The following COL18A1 variants were observed in gnomAD, a reference collection of about 807,000 sequenced individuals.
COL18A1 encodes the protein collagen alpha-1(XVIII) chain.
COL18A1 carries 133 observed loss-of-function variants against 168.0 expected under a neutral mutation model. That is an observed-to-expected ratio of 0.79 (90% CI 0.69 to 0.91). COL18A1 has a LOEUF of 0.91. COL18A1 is among the 40% of genes least tolerant of loss of function. The probability of loss-of-function intolerance (pLI) is 0.00; values close to 1 mark genes in which losing one functional copy is unlikely to be tolerated. For missense variants in COL18A1, 2,126 were observed against 1,925.4 expected, an observed-to-expected ratio of 1.10 and a Z score of -1.95; for synonymous variants, 949 against 809.0, an observed-to-expected ratio of 1.17 and a Z score of -2.94.
intron 31 of COL18A1, 80 bp downstream of exon 31, chr21:45,497,172 A>C: frequency 1.1e-6 from 1 of 943,674 alleles, no homozygotes; most frequent in South Asian, 1.3e-5. Context: ...CCGTGCCAGC[A>C]GCAGTGAGAC....
rs979659276 is a variant in COL18A1, at chr21:45,443,627, G to A, written c.107-24615G>A. ...GCGGCCCTTTTTCTCCCACGTGGGC[G>A]AAAAGTGAAGCCTCTGGGTGGTCCT... is the stretch of plus-strand genomic sequence containing the variant. On this transcript the variant is annotated intron_variant, in intron 2 of 41. Coordinates refer to ENST00000651438, the MANE Select transcript of COL18A1 (RefSeq NM_001379500.1). This position sits in a 1 kb window ranked among gnomAD's most constrained non-coding sequence, Gnocchi z 5.2. Among the ~76,000 whole-genome samples, 12 of 152,150 alleles carry A rather than the reference G, an allele frequency of 7.9e-5. No homozygotes were observed. The highest frequency in any genetic ancestry group is 1.2e-4 in the African/African-American group (5 of 41,436).
intron 39 of COL18A1, 84 bp downstream of exon 39, chr21:45,509,685 G>A: frequency 1.2e-6 from 1 of 825,958 alleles, no homozygotes; most frequent in Non-Finnish European, 2.0e-6. Context: ...CTGCAGAGCT[G>A]CTGGGGGTCC....
chr21:45,472,119 C>T (rs2035454140), intron 3 of COL18A1, among the ~76,000 whole-genome samples: 1 of 152,176 alleles, frequency 6.6e-6, no homozygotes, highest in Non-Finnish European at 1.5e-5. Flanking sequence ...CAGTGCATGT[C>T]TGTGTGGGGA....
At chr21:45,439,840 G>C (rs955148399) in intron 2 of COL18A1, among the ~76,000 whole-genome samples, 3 of 152,270 alleles carry the variant, frequency 2.0e-5, no homozygotes, top group Non-Finnish European at 2.9e-5. Context: ...TGCTCAGTGC[G>C]AGCCTGTGAA....
Position 45,494,641 on chromosome 21 carries a change from G to T in COL18A1, c.2379+70G>T. ...GGCCCCCAAGGACACGGTCGCCCGC[G>T]GCTGCTGAGCTTGTGCTGTGCGGCC... is the stretch of plus-strand genomic sequence containing the variant. On this transcript the variant is annotated intron_variant, in intron 27 of 41. Transcript: ENST00000651438. 4 of 1,604,218 alleles carry T rather than the reference G, an allele frequency of 2.5e-6. No homozygotes were observed. In the South Asian group the frequency reaches 4.4e-5, roughly 18 times the overall value.
Position 45,488,630 on chromosome 21 carries a change from A to T in COL18A1, c.1923+186A>T, listed in dbSNP as rs183940248. On this transcript the variant is annotated intron_variant, in intron 18 of 41. Coordinates refer to ENST00000651438, the MANE Select transcript of COL18A1 (RefSeq NM_001379500.1). Reference sequence around the variant, plus strand: ...GGGAAATAATCGCACACCAACCCCAACCTAGACTTCCAGCGTTAAGGGGCC... The same window carrying T: ...GGGAAATAATCGCACACCAACCCCATCCTAGACTTCCAGCGTTAAGGGGCC... Among the ~76,000 whole-genome samples, 3 of 152,180 alleles carry T rather than the reference A, an allele frequency of 2.0e-5. No individual in the cohort carries two copies. The East Asian group carries it at 5.8e-4, about 29-fold the overall frequency.
At position 45,425,747 on chromosome 21, in the gene COL18A1, T is replaced by TC. The variant is rs2033779006; in HGVS notation, c.106+20278dup. Among the ~76,000 whole-genome samples, 1 of 152,088 alleles carries TC rather than the reference T, an allele frequency of 6.6e-6. No homozygotes were observed. Among genetic ancestry groups the TC allele is most frequent in the African/African-American group, 2.4e-5 (1 of 41,408 alleles). ...TGGGGGCCTGTGGTGACCCCCATCC[T>TC]CCCCAGGGTGGTCTGGCAGGGGACA... On this transcript the variant is annotated intron_variant, in intron 2 of 41. Coordinates refer to ENST00000651438, the MANE Select transcript of COL18A1 (RefSeq NM_001379500.1). This position sits in a 1 kb window ranked among gnomAD's most constrained non-coding sequence, Gnocchi z 4.1.
intron 2 of COL18A1, among the ~76,000 whole-genome samples, chr21:45,407,005 T>C (rs1007132913): frequency 6.6e-6 from 1 of 152,164 alleles, no homozygotes; most frequent in Non-Finnish European, 1.5e-5. Context: ...TGGAGGTGTC[T>C]AATGGAATGT....
chr21:45,494,550 G>A lies in COL18A1; in HGVS notation c.2358G>A (p.Glu786=), dbSNP rs2145998907. ...LGPAQKGAKG[E]PGFRGPPGPY... ...CTTCTTGTTTTTTTGCTCAGGGAGA[G>A]CCGGGCTTCCGAGGACCCCCGGTAA... The change falls in exon 27 of 42, where the codon GAG becomes GAA. Residue 786 remains glutamate (E), a synonymous_variant. Coordinates refer to ENST00000651438, the MANE Select transcript of COL18A1 (RefSeq NM_001379500.1). The A allele has an allele frequency of 1.9e-6, 3 of 1,613,368 alleles. No individual in the cohort carries two copies. The highest frequency in any genetic ancestry group is 2.5e-6 in the Non-Finnish European group (3 of 1,180,000).
chr21:45,498,227 G>T lies in COL18A1; in HGVS notation c.2683+566G>T, dbSNP rs1462892862. 2 of 703,184 alleles carry T rather than the reference G, an allele frequency of 2.8e-6. No individual in the cohort carries two copies. The highest frequency in any genetic ancestry group is 3.0e-5 in the South Asian group (2 of 67,528). The allele number at this position is 703,184 out of a possible 1,614,324, so 43.6% of individuals were successfully genotyped here. On this transcript the variant is annotated intron_variant, in intron 32 of 41. Transcript: ENST00000651438. This position sits in a 1 kb window ranked among gnomAD's most constrained non-coding sequence, Gnocchi z 4.5. The stretch of plus-strand genomic sequence containing the variant: ...AAATGTGAGAAAACCACTGTTTGAG[G>T]ATGTCTGGGGGCTGGCAGAGCAGAA...
At chr21:45,475,998 G>T (rs1448321789) in intron 5 of COL18A1, among the ~76,000 whole-genome samples, 1 of 152,186 alleles carries the variant, frequency 6.6e-6, no homozygotes, top group Non-Finnish European at 1.5e-5. Flanking sequence ...CCCCAGCCGC[G>T]GGACTGAGGC....
chr21:45,456,210 C>A, intron 2 of COL18A1: 1 of 1,606,620 alleles, frequency 6.2e-7, no homozygotes, highest in Non-Finnish European at 8.5e-7. Context: ...CTGGGCGGGG[C>A]CCCTCCCTGG....
intron 32 of COL18A1, among the ~76,000 whole-genome samples, chr21:45,500,235 TGA>T (rs1329119439): frequency 6.4e-5 from 8 of 124,552 alleles, no homozygotes; most frequent in Admixed American, 5.2e-4. Context: ...TGTGGAGGTG[TGA>T]GGGGGTGTGT....
intron 2 of COL18A1, among the ~76,000 whole-genome samples, chr21:45,409,169 G>T (rs537171550): frequency 6.6e-6 from 1 of 152,306 alleles, no homozygotes; most frequent in African/African-American, 2.4e-5. Context: ...CAGGCTGTCT[G>T]TTAGCGGGTG....
In COL18A1 at chr21:45,425,398, G is replaced by A. The variant is rs2033767121; in HGVS notation, c.106+19925G>A. On this transcript the variant is annotated intron_variant, in intron 2 of 41. Transcript: ENST00000651438. This position sits in a 1 kb window ranked among gnomAD's most constrained non-coding sequence, Gnocchi z 4.1. ...CCCTGGTGCTGACACAGAGTCAGCG[G>A]GTCCCTGGGGTCCCTGCAACTGTCC... Among the ~76,000 whole-genome samples, 1 of 152,188 alleles carries A rather than the reference G, an allele frequency of 6.6e-6. No homozygotes were observed. The highest frequency in any genetic ancestry group is 2.4e-5 in the African/African-American group (1 of 41,444).
At chr21:45,493,250 C>T (rs1370779173) in intron 25 of COL18A1, 25 bp downstream of exon 25, 7 of 1,551,248 alleles carry the variant, frequency 4.5e-6, no homozygotes, top group Non-Finnish European at 6.1e-6. Flanking sequence ...TGCTGTCCCT[C>T]AACCCCCTTT....
In COL18A1 at chr21:45,497,693, G is replaced by T. The variant is rs377619042; in HGVS notation, c.2683+32G>T. ...AACTCTGGACATCCCAGGCAGGAGAGCCATGGCGTGGCCAGCACTGAAGTG... is the reference window on the plus strand; with the variant it reads ...AACTCTGGACATCCCAGGCAGGAGATCCATGGCGTGGCCAGCACTGAAGTG... On this transcript the variant is annotated intron_variant, in intron 32 of 41. Transcript: ENST00000651438. 9.0e-6 allele frequency: 14 copies of T among 1,553,632 alleles called. No homozygotes were observed. The African/African-American group carries it at 1.8e-4, about 20-fold the overall frequency.
chr21:45,456,902 T>G, intron 2 of COL18A1: 2 of 1,410,404 alleles, frequency 1.4e-6, no homozygotes, highest in South Asian at 3.2e-5. Flanking sequence ...GGCCCCGATC[T>G]CCCCACCCTT....
rs9789900 is a variant in COL18A1 at position 45,502,068 on chromosome 21, C to T, written c.2684-1943C>T. Among the ~76,000 whole-genome samples, 66 of 33,264 alleles carry T rather than the reference C, an allele frequency of 2.0e-3. 11 individuals carry two copies. Among genetic ancestry groups the T allele is most frequent in the Admixed American group, 3.2e-3 (11 of 3,394 alleles). 21.8% of individuals were successfully genotyped at this position (33,264 alleles called of 152,430 possible). A position where few individuals can be genotyped will look rare whatever the true frequency, so the allele number is the denominator to read the frequency against. ...TCCGCAGCCGGTCACCTCCCTCTGC[C>T]GAAGGACCCCCAGGGGCTCCACAGC... is the stretch of plus-strand genomic sequence containing the variant. On this transcript the variant is annotated intron_variant, in intron 32 of 41. Coordinates refer to ENST00000651438, the MANE Select transcript of COL18A1 (RefSeq NM_001379500.1).
Sources: gnomAD v4.1 joint callset for allele counts (sites outside exome capture counted in the v4.1 genomes callset) on GRCh38, gnomAD v4.1.1 for gene constraint, Gnocchi (gnomAD v3.1) non-coding constraint, MANE v1.5 for transcripts, NCBI Gene and HGNC (gene_info 2026-07-23, HGNC 2026-07-21) for gene names.